TET1: variants seen among roughly 807,000 people sequenced by gnomAD.
TET1 encodes the protein tet methylcytosine dioxygenase 1.
A neutral mutation model predicts 148.7 loss-of-function variants in TET1; 13 were observed. The ratio of observed to expected loss-of-function variants is 0.09; its 90% CI spans 0.06 to 0.14. TET1 has a LOEUF of 0.14. Among genes scored for constraint, TET1 ranks in the 10% least tolerant of loss-of-function variants. The pLI is 1.00. For missense variants in TET1, 2,182 were observed against 2,553.8 expected, an observed-to-expected ratio of 0.85 and a Z score of 3.14; for synonymous variants, 907 against 937.2, an observed-to-expected ratio of 0.97 and a Z score of 0.59.
intron 1 of TET1, among the ~76,000 whole-genome samples, chr10:68,570,976 A>G (rs1225995741): frequency 2.0e-5 from 3 of 148,654 alleles, no homozygotes; most frequent in African/African-American, 7.4e-5. Context: ...TTGTTATTTT[A>G]TTTTATTTAT....
intron 2 of TET1, among the ~76,000 whole-genome samples, chr10:68,579,250 C>A (rs549148459): frequency 6.6e-6 from 1 of 152,284 alleles, no homozygotes; most frequent in African/African-American, 2.4e-5. Context: ...TTGTTCTATT[C>A]TTTCTCAAAC....
intron 8 of TET1, chr10:68,674,418 G>A (rs554106248): frequency 3.2e-5 from 10 of 314,900 alleles, no homozygotes; most frequent in African/African-American, 2.0e-4. Flanking sequence ...TTACGTGAAA[G>A]CATCTGCCAT....
At chr10:68,603,426 T>C (rs1454039658) in intron 3 of TET1, among the ~76,000 whole-genome samples, 3 of 152,176 alleles carry the variant, frequency 2.0e-5, no homozygotes, top group Non-Finnish European at 4.4e-5. Flanking sequence ...TGAATCCAGT[T>C]GTGGGGCTGA....
intron 3 of TET1, among the ~76,000 whole-genome samples, chr10:68,614,276 T>A (rs2054258510): frequency 6.6e-6 from 1 of 152,202 alleles, no homozygotes; most frequent in Non-Finnish European, 1.5e-5. Flanking sequence ...AATTATACTA[T>A]AAGGTCTAAC....
chr10:68,669,543 A>C lies in TET1; in HGVS notation c.4673+2287A>C, dbSNP rs1244050615. ...GTTTTTTTTTGTATTTTTAGTAGAG[A>C]CGGGGTTTCACCATGTTAGCCAGGA... On this transcript the variant is annotated intron_variant, in intron 7 of 11. Coordinates refer to ENST00000373644, the MANE Select transcript of TET1 (RefSeq NM_030625.3). Among the ~76,000 whole-genome samples the C allele has an allele frequency of 2.2e-5, 3 of 133,854 alleles. No homozygotes were observed. In the Admixed American group the frequency reaches 2.5e-4, roughly 11 times the overall value. The allele number at this position is 133,854 out of a possible 152,430, so 87.8% of individuals were successfully genotyped here. A position where few individuals can be genotyped will look rare whatever the true frequency, so the allele number is the denominator to read the frequency against.
intron 2 of TET1, among the ~76,000 whole-genome samples, chr10:68,581,867 C>A (rs757808399): frequency 6.6e-6 from 1 of 151,530 alleles, no homozygotes; most frequent in Non-Finnish European, 1.5e-5. Context: ...AATCTAAAGT[C>A]GTGGACTATA....
intron 2 of TET1, among the ~76,000 whole-genome samples, chr10:68,582,417 G>A (rs1006630601): frequency 6.6e-6 from 1 of 152,126 alleles, no homozygotes; most frequent in African/African-American, 2.4e-5. Flanking sequence ...TATTAAGTCA[G>A]CTAATGTGCC....
intron 3 of TET1, among the ~76,000 whole-genome samples, chr10:68,612,271 G>T (rs2054227474): frequency 6.6e-6 from 1 of 151,610 alleles, no homozygotes; most frequent in Non-Finnish European, 1.5e-5. Flanking sequence ...TGTATTTTTG[G>T]TATAGACGAG....
rs71019047 is a variant in TET1 at position 68,652,845 on chromosome 10, ATTT to A, written c.4461+274_4461+276del. Reference sequence around the variant, plus strand: ...TAAGACTTGCCACCAAACCCGGCTAATTTTTTTTTTTTTTTTTTTTTTTTTAGT... The same window carrying A: ...TAAGACTTGCCACCAAACCCGGCTAATTTTTTTTTTTTTTTTTTTTTTAGT... On this transcript the variant is annotated intron_variant, in intron 6 of 11. Transcript: ENST00000373644. Among the ~76,000 whole-genome samples the A allele has an allele frequency of 1.4e-4, 14 of 101,208 alleles. No individual in the cohort carries two copies. The East Asian group carries it at 1.5e-3, about 11-fold the overall frequency. The allele number at this position is 101,208 out of a possible 152,430, so 66.4% of individuals were successfully genotyped here.
Position 68,646,573 on chromosome 10 carries a change from T to C in TET1, c.3844T>C (p.Tyr1282His). 3 of 1,614,154 alleles carry C rather than the reference T, an allele frequency of 1.9e-6. No individual in the cohort carries two copies. In the South Asian group the frequency reaches 3.3e-5, roughly 18 times the overall value. The stretch of plus-strand genomic sequence containing the variant: ...CGGGAAGGCATTCACTGATAAAGCT[T>C]ATAATTCTCAGGTACAGTTAACGGT... ...SNGKAFTDKA[Y>H]NSQVQLTVNA... is the part of the protein sequence containing the mutation. The change falls in exon 4 of 12, where the codon TAT (tyrosine) becomes CAT (histidine). Residue 1282 changes from tyrosine to histidine, a missense_variant. By Grantham distance (83) the Tyr-to-His change is moderately conservative. Coordinates refer to ENST00000373644, the MANE Select transcript of TET1 (RefSeq NM_030625.3).
intron 8 of TET1, among the ~76,000 whole-genome samples, chr10:68,675,272 C>A (rs552354610): frequency 5.6e-4 from 86 of 152,280 alleles, no homozygotes; most frequent in Non-Finnish European, 9.4e-4. Flanking sequence ...TAAACTCATA[C>A]TTACTTGTAA....
chr10:68,594,117 G>T (rs757780224), intron 2 of TET1, among the ~76,000 whole-genome samples: 8 of 151,244 alleles, frequency 5.3e-5, no homozygotes, highest in Non-Finnish European at 1.2e-4. Flanking sequence ...GTAAAGACGG[G>T]GTTCCACCAT....
At chr10:68,642,395 C>T (rs764741415) in intron 3 of TET1, among the ~76,000 whole-genome samples, 1 of 152,022 alleles carries the variant, frequency 6.6e-6, no homozygotes, top group Non-Finnish European at 1.5e-5. Flanking sequence ...TATCGTGCCA[C>T]TGCACTCCAG....
intron 3 of TET1, among the ~76,000 whole-genome samples, chr10:68,642,013 T>C (rs7090302): frequency 0.19 from 29,250 of 152,144 alleles, 3,599 homozygotes; most frequent in African/African-American, 0.35. Context: ...AAATATTGTG[T>C]ATATTTATCA....
chr10:68,620,931 C>T (rs1335471614), intron 3 of TET1, among the ~76,000 whole-genome samples: 1 of 152,124 alleles, frequency 6.6e-6, no homozygotes, highest in Non-Finnish European at 1.5e-5. Context: ...TGCCTCTTGG[C>T]CATTTGTATG....
At chr10:68,683,289 TA>T (rs1176206863) in intron 10 of TET1, among the ~76,000 whole-genome samples, 1 of 152,168 alleles carries the variant, frequency 6.6e-6, no homozygotes, top group African/African-American at 2.4e-5. Context: ...TTTATTTATT[TA>T]TTTTTTGAGA....
Position 68,572,915 on chromosome 10 carries a change from T to A in TET1, c.577T>A (p.Ser193Thr), listed in dbSNP as rs12773594. The change falls in exon 2 of 12, where the codon TCC becomes ACC. Residue 193 changes from serine (S) to threonine (T), a missense_variant. Physicochemically the swap from Ser to Thr is moderately conservative, Grantham distance 58. This residue lies in a region of TET1 where 665 missense variants were observed against 672.4 expected (regional missense o/e 0.99). Transcript: ENST00000373644. ...GKSQETTQFW[S>T]QRVEDSKINI... is the part of the protein sequence containing the mutation. ...GAGCCAAGAGACAACTCAGTTTTGG[T>A]CCCAAAGAGTTGAGGATTCCAAGAT... 265,674 of 1,613,804 alleles carry A rather than the reference T, an allele frequency of 0.16. 23,105 individuals carry two copies. The highest frequency in any genetic ancestry group is 0.24 in the South Asian group (21,673 of 91,060).
At chr10:68,661,472 C>A (rs2055113549) in intron 6 of TET1, among the ~76,000 whole-genome samples, 1 of 151,706 alleles carries the variant, frequency 6.6e-6, no homozygotes, top group Non-Finnish European at 1.5e-5. Context: ...TGGGTATACT[C>A]AAACTAAGAG....
chr10:68,612,641 T>C (rs547405237), intron 3 of TET1, among the ~76,000 whole-genome samples: 16 of 151,532 alleles, frequency 1.1e-4, no homozygotes, highest in Non-Finnish European at 1.6e-4. Context: ...GTTTAGGAGA[T>C]AGAGTCTCAC....
Sources: gnomAD v4.1 joint callset for allele counts (sites outside exome capture counted in the v4.1 genomes callset) on GRCh38, gnomAD v4.1.1 for gene constraint, gnomAD v4.1.1 regional missense constraint, MANE v1.5 for transcripts, NCBI Gene and HGNC (gene_info 2026-07-23, HGNC 2026-07-21) for gene names.